Variants in OTOGL observed in about 807,000 individuals in gnomAD.
OTOGL encodes the protein otogelin-like protein.
Under a neutral mutation model 318.5 loss-of-function variants are expected in OTOGL, and 285 were observed. The observed-to-expected ratio is 0.89, with a 90% confidence interval of 0.81 to 0.99. OTOGL has a LOEUF of 0.99. Among genes scored for constraint, OTOGL ranks in the 50% least tolerant of loss-of-function variants. OTOGL has a pLI of 0.00. For synonymous variants in OTOGL, 987 were observed against 936.5 expected, an observed-to-expected ratio of 1.05 and a Z score of -0.99; for missense variants, 2,899 against 2,845.6, an observed-to-expected ratio of 1.02 and a Z score of -0.43.
chr12:80,266,370 C>T, intron 20 of OTOGL, 81 bp from the exon 21 acceptor site: 1 of 1,411,710 alleles, frequency 7.1e-7, no homozygotes, highest in Non-Finnish European at 9.7e-7. Flanking sequence ...CTTTCATTTT[C>T]TATCATAGAC....
At chr12:80,140,943 A>C (rs1871894782) in intron 1 of OTOGL, among the ~76,000 whole-genome samples, 1 of 152,160 alleles carries the variant, frequency 6.6e-6, no homozygotes. Flanking sequence ...CTTTATGTTC[A>C]ACTAACTTAC....
chr12:80,361,396 G>T (rs1394602401), intron 52 of OTOGL, among the ~76,000 whole-genome samples: 1 of 151,844 alleles, frequency 6.6e-6, no homozygotes, highest in Non-Finnish European at 1.5e-5. Flanking sequence ...GTGGACACTT[G>T]GGTTGATTCC....
intron 1 of OTOGL, among the ~76,000 whole-genome samples, chr12:80,122,604 T>TAAATGTC (rs1420518700): frequency 6.6e-6 from 1 of 152,164 alleles, no homozygotes; most frequent in Non-Finnish European, 1.5e-5. Flanking sequence ...TTTATAGAAG[T>TAAATGTC]AAATGTCAAG....
chr12:80,329,201 T>C (rs990048687), intron 37 of OTOGL, 82 bp downstream of exon 37: 10 of 1,096,730 alleles, frequency 9.1e-6, no homozygotes, highest in Non-Finnish European at 8.7e-6. Context: ...GGTGTTACTA[T>C]AGCTGCTATC....
At chr12:80,337,677 A>G (rs1888500587) in intron 42 of OTOGL, among the ~76,000 whole-genome samples, 1 of 150,938 alleles carries the variant, frequency 6.6e-6, no homozygotes, top group African/African-American at 2.4e-5. Flanking sequence ...TCTGTAAAAT[A>G]TGAAAAAAAA....
intron 1 of OTOGL, among the ~76,000 whole-genome samples, chr12:80,122,810 G>C (rs1263904510): frequency 6.6e-6 from 1 of 152,102 alleles, no homozygotes; most frequent in African/African-American, 2.4e-5. Flanking sequence ...CTATGACTTG[G>C]AAAGACCAAG....
chr12:80,298,152 A>G (rs1254857588), intron 27 of OTOGL, among the ~76,000 whole-genome samples: 1 of 152,236 alleles, frequency 6.6e-6, no homozygotes, highest in East Asian at 1.9e-4. Flanking sequence ...CTTGCCTTTA[A>G]GAAGTTTCTG....
At chr12:80,251,831 C>A in intron 12 of OTOGL, 32 bp downstream of exon 12, 1 of 1,530,000 alleles carries the variant, frequency 6.5e-7, no homozygotes, top group Non-Finnish European at 8.9e-7. Context: ...GCCCTGTGTA[C>A]TTTTGCCAAT....
At chr12:80,262,154 C>T in intron 19 of OTOGL, 61 bp downstream of exon 19, 3 of 1,424,566 alleles carry the variant, frequency 2.1e-6, no homozygotes, top group Non-Finnish European at 1.9e-6. Flanking sequence ...CTATGTATTA[C>T]TATAATTTTA....
chr12:80,101,969 T>C (rs902517250), intron 1 of OTOGL, among the ~76,000 whole-genome samples: 8 of 152,234 alleles, frequency 5.3e-5, no homozygotes, highest in Non-Finnish European at 1.2e-4. Flanking sequence ...CAAGGATCAA[T>C]TGAATCAAGA....
In OTOGL at chr12:80,222,108, G is replaced by A. The variant is rs374058556; in HGVS notation, c.352G>A (p.Gly118Ser). The change falls in exon 7 of 59, where the codon GGC becomes AGC. Residue 118 changes from glycine (G) to serine (S), a missense_variant. Gly to Ser is a moderately conservative substitution (Grantham distance 56). This residue lies in a region of OTOGL where 2,607 missense variants were observed against 2,524.9 expected (regional missense o/e 1.03). Transcript: ENST00000547103. ...CTTTTCAGTCCCAAACATGGGCAAC[G>A]GCAGAGATGGGATTTGTAAAACCTG... The part of the protein sequence containing the change: ...RCQIIPNMGN[G>S]RDGICKTWGQ... The A allele has an allele frequency of 1.3e-5, 21 of 1,598,056 alleles. No individual in the cohort carries two copies. In the Admixed American group the frequency reaches 1.3e-4, roughly 10 times the overall value.
At chr12:80,123,613 A>G (rs773578317) in intron 1 of OTOGL, among the ~76,000 whole-genome samples, 1 of 152,162 alleles carries the variant, frequency 6.6e-6, no homozygotes, top group Non-Finnish European at 1.5e-5. Flanking sequence ...GAATCGCCCC[A>G]CTGACTTCCA....
intron 4 of OTOGL, among the ~76,000 whole-genome samples, chr12:80,216,853 C>T (rs1032331172): frequency 2.6e-5 from 4 of 151,884 alleles, no homozygotes; most frequent in Admixed American, 6.6e-5. Flanking sequence ...TGCTAAATGA[C>T]GAGTTAATGG....
At chr12:80,357,766 C>A (rs1889999226) in intron 49 of OTOGL, among the ~76,000 whole-genome samples, 1 of 152,024 alleles carries the variant, frequency 6.6e-6, no homozygotes, top group African/African-American at 2.4e-5. Flanking sequence ...TACAGAGTGG[C>A]CTGGTTGAGG....
chr12:80,356,037 A>G (rs373334926), intron 47 of OTOGL, 89 bp downstream of exon 47: 1 of 1,385,926 alleles, frequency 7.2e-7, no homozygotes, highest in Non-Finnish European at 1.0e-6. Context: ...AATGCTTTGT[A>G]TTTTTAAAAA....
At chr12:80,360,302 T>C (rs1252844881) in intron 52 of OTOGL, among the ~76,000 whole-genome samples, 1 of 151,970 alleles carries the variant, frequency 6.6e-6, no homozygotes, top group Non-Finnish European at 1.5e-5. Context: ...CTTTTCTACT[T>C]TCTATCTTTT....
intron 4 of OTOGL, among the ~76,000 whole-genome samples, chr12:80,214,691 C>G (rs1034797289): frequency 2.6e-5 from 4 of 152,018 alleles, no homozygotes; most frequent in Non-Finnish European, 5.9e-5. Flanking sequence ...GATGACATAC[C>G]AAGGACAGTG....
In OTOGL at chr12:80,302,624, T is replaced by G; in HGVS notation, c.3064-10T>G. On this transcript the variant is annotated splice_polypyrimidine_tract_variant and intron_variant, in intron 27 of 58. Transcript: ENST00000547103. ...TACTCACTTTGTTTATTTTCTTTTT[T>G]GTTTTTAAGAAACAATCAGGTTTTT... is the stretch of plus-strand genomic sequence containing the variant. The G allele has an allele frequency of 1.5e-6, 2 of 1,335,744 alleles. No individual in the cohort carries two copies. Among genetic ancestry groups the G allele is most frequent in the Non-Finnish European group, 1.9e-6 (2 of 1,039,004 alleles). 82.7% of individuals were successfully genotyped at this position (1,335,744 alleles called of 1,614,324 possible).
At chr12:80,215,024 C>G (rs930652356) in intron 4 of OTOGL, among the ~76,000 whole-genome samples, 1 of 152,070 alleles carries the variant, frequency 6.6e-6, no homozygotes, top group Non-Finnish European at 1.5e-5. Context: ...GGGAGTCATT[C>G]TAATTTCCAT....
Sources: gnomAD v4.1 joint callset for allele counts (sites outside exome capture counted in the v4.1 genomes callset) on GRCh38, gnomAD v4.1.1 for gene constraint, gnomAD v4.1.1 regional missense constraint, MANE v1.5 for transcripts, NCBI Gene and HGNC (gene_info 2026-07-23, HGNC 2026-07-21) for gene names.